The following GRM8 variants were observed in gnomAD, a reference collection of about 807,000 sequenced individuals.
GRM8 encodes glutamate metabotropic receptor 8, also known as metabotropic glutamate receptor 8.
A neutral mutation model predicts 87.2 loss-of-function variants in GRM8; 47 were observed. The ratio of observed to expected loss-of-function variants is 0.54; its 90% CI spans 0.43 to 0.69. GRM8 has a LOEUF of 0.69. Among genes scored for constraint, GRM8 ranks in the 30% least tolerant of loss-of-function variants. The pLI is 0.00. For synonymous variants in GRM8, 396 were observed against 404.5 expected, an observed-to-expected ratio of 0.98 and a Z score of 0.25; for missense variants, 1,019 against 1,139.2, an observed-to-expected ratio of 0.89 and a Z score of 1.52.
chr7:126,793,053 C>T (rs375431012), intron 6 of GRM8, among the ~76,000 whole-genome samples: 5 of 152,072 alleles, frequency 3.3e-5, no homozygotes, highest in East Asian at 3.9e-4. Flanking sequence ...CTTTTCCCTG[C>T]CAGAAACAGA....
At chr7:126,804,492 T>G (rs901498493) in intron 6 of GRM8, among the ~76,000 whole-genome samples, 6 of 152,354 alleles carry the variant, frequency 3.9e-5, no homozygotes, top group Non-Finnish European at 8.8e-5. Flanking sequence ...CAGAACTTTC[T>G]GTGTGAAAAA....
intron 2 of GRM8, among the ~76,000 whole-genome samples, chr7:127,155,395 C>T (rs1334392530): frequency 6.6e-6 from 1 of 152,116 alleles, no homozygotes; most frequent in Non-Finnish European, 1.5e-5. Context: ...TTGATTCATC[C>T]AACGTAACTC....
chr7:127,233,655 G>A (rs1019496184), intron 2 of GRM8, among the ~76,000 whole-genome samples: 11 of 152,160 alleles, frequency 7.2e-5, no homozygotes, highest in Non-Finnish European at 1.5e-4. Flanking sequence ...ACAGATCCAT[G>A]GTGTCCCTGA....
At chr7:127,039,072 A>G (rs1487301934) in intron 3 of GRM8, among the ~76,000 whole-genome samples, 2 of 152,210 alleles carry the variant, frequency 1.3e-5, no homozygotes, top group Non-Finnish European at 2.9e-5. Flanking sequence ...GGCTGGGTAT[A>G]TTGGCCCACT....
At chr7:126,687,361 T>C (rs958806529) in intron 7 of GRM8, among the ~76,000 whole-genome samples, 8 of 152,216 alleles carry the variant, frequency 5.3e-5, no homozygotes, top group African/African-American at 1.9e-4. Flanking sequence ...ACTTGAACTT[T>C]ATCTGCTAGG....
intron 3 of GRM8, among the ~76,000 whole-genome samples, chr7:126,971,803 C>G (rs1810458739): frequency 6.6e-6 from 1 of 152,042 alleles, no homozygotes; most frequent in East Asian, 1.9e-4. Flanking sequence ...GTGTATAAGG[C>G]AAAAGTCCAA....
intron 6 of GRM8, among the ~76,000 whole-genome samples, chr7:126,828,899 G>T (rs1394505224): frequency 2.0e-5 from 3 of 151,938 alleles, no homozygotes; most frequent in Non-Finnish European, 4.4e-5. Context: ...CTGGTATGTT[G>T]TGTCTTTGTT....
At chr7:126,614,432 CAG>C in intron 7 of GRM8, among the ~76,000 whole-genome samples, 1 of 152,232 alleles carries the variant, frequency 6.6e-6, no homozygotes, top group South Asian at 2.1e-4. Context: ...GGGGAAAAAA[CAG>C]AGCTGAAAAG....
intron 6 of GRM8, among the ~76,000 whole-genome samples, chr7:126,832,794 G>T (rs938738781): frequency 6.6e-6 from 1 of 152,148 alleles, no homozygotes; most frequent in Non-Finnish European, 1.5e-5. Context: ...GCATTTTGCA[G>T]TTATTCCCTG....
At chr7:127,155,551 G>A (rs1472408036) in intron 2 of GRM8, among the ~76,000 whole-genome samples, 1 of 152,148 alleles carries the variant, frequency 6.6e-6, no homozygotes, top group Non-Finnish European at 1.5e-5. Context: ...GAAGGGAAAG[G>A]CTGAGTTACC....
At chr7:126,956,922 A>G (rs758848460) in intron 3 of GRM8, among the ~76,000 whole-genome samples, 3 of 152,236 alleles carry the variant, frequency 2.0e-5, no homozygotes, top group Non-Finnish European at 4.4e-5. Context: ...AATTAGTTAT[A>G]AACACAGATG....
At chr7:126,501,887 G>C (rs1809703603) in intron 9 of GRM8, among the ~76,000 whole-genome samples, 1 of 151,980 alleles carries the variant, frequency 6.6e-6, no homozygotes, top group Non-Finnish European at 1.5e-5. Flanking sequence ...GAAGGACCTG[G>C]GTGTAGTGGC....
Position 126,532,987 on chromosome 7 carries a change from G to A in GRM8, c.2395C>T (p.Pro799Ser), listed in dbSNP as rs1354932374. 1 of 1,612,604 alleles carries A rather than the reference G, an allele frequency of 6.2e-7. No individual in the cohort carries two copies. The highest frequency in any genetic ancestry group is 8.5e-7 in the Non-Finnish European group (1 of 1,179,358). Residue 799 changes from proline (P) to serine (S), a missense_variant, in exon 9 of 11, where the codon CCC becomes TCC. Physicochemically the swap from Pro to Ser is moderately conservative, Grantham distance 74 (BLOSUM62 -1). Transcript: ENST00000339582. ...TTCIIWLAFI[P>S]IFFGTAQSAE... Reference sequence around the variant, plus strand: ...GACTGGGCTGTACCAAAAAAGATGGGGATGAAAGCTAACCAAATGATGCAG... The same window carrying A: ...GACTGGGCTGTACCAAAAAAGATGGAGATGAAAGCTAACCAAATGATGCAG...
chr7:126,973,680 T>G (rs1810661201), intron 3 of GRM8, among the ~76,000 whole-genome samples: 1 of 152,232 alleles, frequency 6.6e-6, no homozygotes, highest in Non-Finnish European at 1.5e-5. Flanking sequence ...GAGATGTTGA[T>G]GCAATCAATA....
intron 7 of GRM8, among the ~76,000 whole-genome samples, chr7:126,690,942 G>A (rs1808738770): frequency 6.6e-6 from 1 of 152,172 alleles, no homozygotes. Flanking sequence ...AGTGAATGCT[G>A]ATTGGTCCAT....
chr7:127,127,320 C>T (rs927461676), intron 2 of GRM8, among the ~76,000 whole-genome samples: 1 of 151,990 alleles, frequency 6.6e-6, no homozygotes, highest in Non-Finnish European at 1.5e-5. Flanking sequence ...TATGTTCATA[C>T]AAAGACTTGT....
At chr7:126,623,157 A>C (rs1418205629) in intron 7 of GRM8, among the ~76,000 whole-genome samples, 1 of 152,140 alleles carries the variant, frequency 6.6e-6, no homozygotes, top group East Asian at 1.9e-4. Flanking sequence ...TATCATACTG[A>C]TCCATTAGCT....
At chr7:126,459,131 C>A (rs1405114510) in intron 9 of GRM8, among the ~76,000 whole-genome samples, 1 of 151,134 alleles carries the variant, frequency 6.6e-6, no homozygotes, top group Non-Finnish European at 1.5e-5. Context: ...GATAAGTCCA[C>A]ATAGAAATGA....
At position 127,097,132 on chromosome 7, in the gene GRM8, A is replaced by G. The variant is rs1045974921; in HGVS notation, c.727+9364T>C. On this transcript the variant is annotated intron_variant, in intron 3 of 10. Transcript: ENST00000339582. Reference sequence around the variant, plus strand: ...ACATGCTGATAGAAAAGATTGACAGAGAAATCAGCACTACAATCAGAGTGG... The same window carrying G: ...ACATGCTGATAGAAAAGATTGACAGGGAAATCAGCACTACAATCAGAGTGG... Among the ~76,000 whole-genome samples, 8 of 152,164 alleles carry G rather than the reference A, an allele frequency of 5.3e-5. No homozygotes were observed. The East Asian group carries it at 1.5e-3, about 29-fold the overall frequency.
Sources: allele counts gnomAD v4.1 joint callset (sites outside exome capture counted in the v4.1 genomes callset), GRCh38; gene constraint gnomAD v4.1.1; transcripts MANE v1.5; gene names NCBI Gene and HGNC (gene_info 2026-07-23, HGNC 2026-07-21).